The following PLCH1 variants were observed in gnomAD, a reference collection of about 807,000 sequenced individuals.
PLCH1 encodes the protein phospholipase C eta 1, also known as 1-phosphatidylinositol 4,5-bisphosphate phosphodiesterase eta-1.
PLCH1 carries 60 observed loss-of-function variants against 126.7 expected under a neutral mutation model. That is an observed-to-expected ratio of 0.47 (90% CI 0.38 to 0.59). The LOEUF (loss-of-function observed/expected upper bound fraction) is 0.59, where lower values mean the gene tolerates loss of function less well. PLCH1 is among the 20% of genes least tolerant of loss of function. The pLI, the probability that PLCH1 is intolerant of heterozygous loss-of-function variation, is 0.00. For synonymous variants in PLCH1, 719 were observed against 734.9 expected, an observed-to-expected ratio of 0.98 and a Z score of 0.35; for missense variants, 1,723 against 2,040.0, an observed-to-expected ratio of 0.84 and a Z score of 2.99.
At chr3:155,597,402 T>C (rs1015793837) in intron 2 of PLCH1, among the ~76,000 whole-genome samples, 2 of 152,256 alleles carry the variant, frequency 1.3e-5, no homozygotes, top group African/African-American at 4.8e-5. Flanking sequence ...TCCCCTTGAT[T>C]CTGCAAGTTA....
At chr3:155,732,877 C>CAAA (rs71155063) in intron 1 of PLCH1, among the ~76,000 whole-genome samples, 68 of 80,164 alleles carry the variant, frequency 8.5e-4, no homozygotes, top group Middle Eastern at 7.5e-3. Context: ...GACTGCATCT[C>CAAA]AAAAAAAAAA....
At position 155,701,979 on chromosome 3, in the gene PLCH1, G is replaced by A. The variant is rs1002579645; in HGVS notation, c.79+2167C>T. Reference sequence around the variant, plus strand: ...AATGAATAGAATCATTGTTCTAATCGGAGTTGATTCTTTTAATCTTGGGAG... The same window carrying A: ...AATGAATAGAATCATTGTTCTAATCAGAGTTGATTCTTTTAATCTTGGGAG... On this transcript the variant is annotated intron_variant, in intron 2 of 22. Transcript: ENST00000460012. 5.9e-5 allele frequency among the ~76,000 whole-genome samples: 9 copies of A among 152,090 alleles called. No homozygotes were observed. In the East Asian group the frequency reaches 1.2e-3, roughly 20 times the overall value.
At chr3:155,736,785 G>C (rs955331810) in intron 1 of PLCH1, among the ~76,000 whole-genome samples, 1 of 152,096 alleles carries the variant, frequency 6.6e-6, no homozygotes, top group Non-Finnish European at 1.5e-5. Context: ...TTGCTTCCCA[G>C]TCTCCTATTT....
intron 2 of PLCH1, among the ~76,000 whole-genome samples, chr3:155,686,529 C>T (rs968840303): frequency 6.6e-6 from 1 of 152,154 alleles, no homozygotes; most frequent in Admixed American, 6.5e-5. Flanking sequence ...CACGGTGTGG[C>T]ATGGTAGGTA....
At chr3:155,561,173 G>C (rs1167759884) in intron 8 of PLCH1, among the ~76,000 whole-genome samples, 2 of 150,310 alleles carry the variant, frequency 1.3e-5, no homozygotes, top group Non-Finnish European at 3.0e-5. Flanking sequence ...GGGTACATGT[G>C]CACATTGTGC....
intron 12 of PLCH1, among the ~76,000 whole-genome samples, chr3:155,514,111 T>G (rs1435003290): frequency 2.0e-5 from 3 of 152,200 alleles, no homozygotes; most frequent in Non-Finnish European, 2.9e-5. Flanking sequence ...GCCTTGGGAT[T>G]AAATCCACCC....
intron 1 of PLCH1, among the ~76,000 whole-genome samples, chr3:155,724,813 T>TTGTGTG (rs60805589): frequency 0.023 from 3,236 of 140,100 alleles, 72 homozygotes; most frequent in African/African-American, 0.047. Context: ...TTGGGGGGTT[T>TTGTGTG]TGTGTGTGTG....
chr3:155,591,111 C>T (rs1229916199), intron 4 of PLCH1, among the ~76,000 whole-genome samples: 1 of 152,216 alleles, frequency 6.6e-6, no homozygotes, highest in Non-Finnish European at 1.5e-5. Context: ...CCATCTCTAA[C>T]TCATCTCTTT....
chr3:155,670,383 A>AT (rs1326279822), intron 2 of PLCH1, among the ~76,000 whole-genome samples: 1 of 152,206 alleles, frequency 6.6e-6, no homozygotes, highest in Admixed American at 6.5e-5. Flanking sequence ...AAATATTCAC[A>AT]TGGATTTTAA....
At chr3:155,475,031 A>G (rs1160768099), downstream of PLCH1, among the ~76,000 whole-genome samples, 2 of 149,142 alleles carry the variant, frequency 1.3e-5, no homozygotes, top group Non-Finnish European at 3.0e-5. Flanking sequence ...TACATATGTA[A>G]CTAACCTGCA....
intron 2 of PLCH1, among the ~76,000 whole-genome samples, chr3:155,633,120 T>C (rs568758259): frequency 2.0e-5 from 3 of 152,010 alleles, no homozygotes; most frequent in Non-Finnish European, 4.4e-5. Context: ...ACGTTTTAGA[T>C]CATGAGGAGG....
At chr3:155,492,508 G>C (rs575840756) in intron 18 of PLCH1, among the ~76,000 whole-genome samples, 1 of 152,174 alleles carries the variant, frequency 6.6e-6, no homozygotes, top group Non-Finnish European at 1.5e-5. Flanking sequence ...ACCTTAAATT[G>C]TGAATTCAAT....
At chr3:155,557,602 T>C (rs1016509980) in intron 8 of PLCH1, among the ~76,000 whole-genome samples, 1 of 152,180 alleles carries the variant, frequency 6.6e-6, no homozygotes, top group Non-Finnish European at 1.5e-5. Context: ...ATATGTGGCA[T>C]TCGTGGCCAG....
chr3:155,730,462 G>T (rs1748690296), intron 1 of PLCH1, among the ~76,000 whole-genome samples: 1 of 152,012 alleles, frequency 6.6e-6, no homozygotes, highest in African/African-American at 2.4e-5. Context: ...CGTATTTTTA[G>T]TAGAGACAGG....
Position 155,586,122 on chromosome 3 carries a change from C to T in PLCH1, c.543G>A (p.Gln181=). Residue 181 remains glutamine, a synonymous_variant, in exon 5 of 23, where the codon CAG becomes CAA. Transcript: ENST00000460012. ...GATTAACATTCAGTTTATGCATCAG[C>T]TGATGTATCTCTTCAATATTCAGCA... ...DGLLNIEEIH[Q]LMHKLNVNLP... 1 of 1,613,742 alleles carries T rather than the reference C, an allele frequency of 6.2e-7. No individual in the cohort carries two copies. The highest frequency in any genetic ancestry group is 8.5e-7 in the Non-Finnish European group (1 of 1,179,640).
chr3:155,454,836 G>A (rs1471341284), intron 21 of PLCH1, among the ~76,000 whole-genome samples: 2 of 152,110 alleles, frequency 1.3e-5, no homozygotes, highest in Non-Finnish European at 2.9e-5. Flanking sequence ...AAGGTAACTC[G>A]ACATTTTGTT....
chr3:155,458,981 C>T (rs1029403441), intron 21 of PLCH1, among the ~76,000 whole-genome samples: 2 of 152,228 alleles, frequency 1.3e-5, no homozygotes, highest in African/African-American at 2.4e-5. Flanking sequence ...CTGCTGTCTA[C>T]TCCAAGAAAC....
chr3:155,601,220 AC>A (rs765688720), intron 2 of PLCH1, among the ~76,000 whole-genome samples: 85 of 152,042 alleles, frequency 5.6e-4, no homozygotes, highest in African/African-American at 2.0e-3. Context: ...CTCGTGATCC[AC>A]CCGCCTTGGC....
chr3:155,690,401 T>C (rs1440955947), intron 2 of PLCH1, among the ~76,000 whole-genome samples: 2 of 152,250 alleles, frequency 1.3e-5, no homozygotes, highest in East Asian at 3.8e-4. Context: ...GCATAATGTT[T>C]GCAAAAATTT....
Sources: gnomAD v4.1 joint callset for allele counts (sites outside exome capture counted in the v4.1 genomes callset) on GRCh38, gnomAD v4.1.1 for gene constraint, MANE v1.5 for transcripts, NCBI Gene and HGNC (gene_info 2026-07-23, HGNC 2026-07-21) for gene names.